Variants in PTPRD observed in about 807,000 individuals in gnomAD.
PTPRD encodes receptor-type tyrosine-protein phosphatase delta.
In PTPRD, 34 loss-of-function variants were observed where a neutral mutation model predicts 214.5. That is an observed-to-expected ratio of 0.16 (90% CI 0.12 to 0.21). The LOEUF (loss-of-function observed/expected upper bound fraction) is 0.21, where lower values mean the gene tolerates loss of function less well. PTPRD is among the 10% of genes least tolerant of loss of function. The pLI, the probability that PTPRD is intolerant of heterozygous loss-of-function variation, is 1.00. For synonymous variants in PTPRD, 1,128 were observed against 845.7 expected (o/e 1.33, Z -5.79); for missense variants, 2,545 against 2,398.7 (o/e 1.06, Z -1.27).
rs1567180512 is a variant in PTPRD, at chr9:8,948,414, TATATATATATTTATATATATATTTAC to T, written c.-104+70257_-104+70282del. Among the ~76,000 whole-genome samples the T allele has an allele frequency of 8.9e-3, 581 of 65,274 alleles. 60 individuals carry two copies. Among genetic ancestry groups the T allele is most frequent in the African/African-American group, 0.022 (402 of 17,932 alleles). 42.8% of individuals were successfully genotyped at this position (65,274 alleles called of 152,430 possible). On this transcript the variant is annotated intron_variant, in intron 11 of 45. Coordinates refer to ENST00000381196, the MANE Select transcript of PTPRD (RefSeq NM_002839.4). ...ATGTCCATTGGGTTTAAAATATATA[TATATATATATTTATATATATATTTAC>T]ATATATATATATTTATATATATATT...
At chr9:8,599,906 C>A (rs866412367) in intron 14 of PTPRD, among the ~76,000 whole-genome samples, 2 of 152,130 alleles carry the variant, frequency 1.3e-5, no homozygotes, top group South Asian at 4.1e-4. Context: ...GCATGAGCCA[C>A]GGCGCCTGGC....
chr9:8,586,175 C>T (rs1015037712), intron 14 of PTPRD, among the ~76,000 whole-genome samples: 1 of 152,100 alleles, frequency 6.6e-6, no homozygotes, highest in East Asian at 1.9e-4. Context: ...CGGCGTGTGC[C>T]TGTAATCCCA....
At chr9:9,091,997 TCA>T (rs1341885663) in intron 10 of PTPRD, among the ~76,000 whole-genome samples, 2 of 152,334 alleles carry the variant, frequency 1.3e-5, no homozygotes. Flanking sequence ...TTCTTTTCTC[TCA>T]GTTTATCTTT....
intron 3 of PTPRD, among the ~76,000 whole-genome samples, chr9:10,066,502 GA>G (rs1304530067): frequency 6.6e-6 from 1 of 151,820 alleles, no homozygotes; most frequent in Non-Finnish European, 1.5e-5. Context: ...CAACATGTAT[GA>G]CACTTAGTAG....
At chr9:9,301,522 C>G (rs866114178) in intron 9 of PTPRD, among the ~76,000 whole-genome samples, 1 of 151,824 alleles carries the variant, frequency 6.6e-6, no homozygotes, top group African/African-American at 2.4e-5. Flanking sequence ...CTGCATCAAG[C>G]TACTAATTCA....
rs981255002 is a variant in PTPRD at position 8,849,429 on chromosome 9, T to C, written c.-103-115483A>G. On this transcript the variant is annotated intron_variant, in intron 11 of 45. Transcript: ENST00000381196. ...TTTTAGTGGAGACGGGGTTTCACCA[T>C]GTTAGCCAGAATGGTCTCGATCTCC... 2.6e-5 allele frequency among the ~76,000 whole-genome samples: 4 copies of C among 152,228 alleles called. No homozygotes were observed. The South Asian group carries it at 6.2e-4, about 24-fold the overall frequency.
At chr9:10,418,017 A>C (rs143443548) in intron 2 of PTPRD, among the ~76,000 whole-genome samples, 8 of 151,890 alleles carry the variant, frequency 5.3e-5, no homozygotes, top group Non-Finnish European at 1.2e-4. Flanking sequence ...AAGCAGAAAA[A>C]AAGGAAGAAA....
intron 2 of PTPRD, among the ~76,000 whole-genome samples, chr9:10,500,913 C>A (rs1310703712): frequency 6.6e-6 from 1 of 151,770 alleles, no homozygotes; most frequent in African/African-American, 2.4e-5. Context: ...TGTATATATA[C>A]CACGTTTTCT....
chr9:9,770,077 A>G (rs1353518034), intron 5 of PTPRD, among the ~76,000 whole-genome samples: 1 of 152,216 alleles, frequency 6.6e-6, no homozygotes, highest in African/African-American at 2.4e-5. Context: ...ATTCATGTGC[A>G]TGTGACTTTA....
chr9:8,392,298 G>A (rs1256361265), intron 36 of PTPRD, among the ~76,000 whole-genome samples: 2 of 152,018 alleles, frequency 1.3e-5, no homozygotes, highest in African/African-American at 2.4e-5. Context: ...GGCTGAGGCA[G>A]GAAGATTTAT....
At chr9:9,814,819 A>G (rs2048254183) in intron 5 of PTPRD, among the ~76,000 whole-genome samples, 1 of 122,948 alleles carries the variant, frequency 8.1e-6, no homozygotes, top group Non-Finnish European at 1.7e-5. Flanking sequence ...TTTTTTTTCG[A>G]TACAGAATTT....
intron 2 of PTPRD, among the ~76,000 whole-genome samples, chr9:10,349,630 A>G (rs538911290): frequency 6.6e-6 from 1 of 152,284 alleles, no homozygotes; most frequent in Non-Finnish European, 1.5e-5. Flanking sequence ...TGAATACATG[A>G]AAAAAAGTAT....
At chr9:9,092,445 A>T (rs1239899034) in intron 10 of PTPRD, among the ~76,000 whole-genome samples, 1 of 152,102 alleles carries the variant, frequency 6.6e-6, no homozygotes, top group Non-Finnish European at 1.5e-5. Context: ...CAGATTGAGG[A>T]ACAGCTACTA....
intron 10 of PTPRD, among the ~76,000 whole-genome samples, chr9:9,178,821 T>C (rs1247049222): frequency 6.6e-6 from 1 of 152,104 alleles, no homozygotes; most frequent in Non-Finnish European, 1.5e-5. Flanking sequence ...GCAGAAATGC[T>C]CTGGGAACAT....
chr9:9,452,107 GC>G (rs1237122866), intron 8 of PTPRD, among the ~76,000 whole-genome samples: 1 of 151,296 alleles, frequency 6.6e-6, no homozygotes, highest in Non-Finnish European at 1.5e-5. Flanking sequence ...TCTATACCTA[GC>G]AGTTTATAAT....
chr9:10,212,795 T>A (rs2099523248), intron 3 of PTPRD, among the ~76,000 whole-genome samples: 5 of 152,160 alleles, frequency 3.3e-5, no homozygotes, highest in African/African-American at 1.2e-4. Flanking sequence ...CTACAAGGTT[T>A]CACCCACAGA....
intron 12 of PTPRD, among the ~76,000 whole-genome samples, chr9:8,728,177 G>A (rs775221054): frequency 1.3e-5 from 2 of 152,162 alleles, no homozygotes; most frequent in Non-Finnish European, 2.9e-5. Flanking sequence ...TTGAACCGAG[G>A]AGGCGGAGGT....
At chr9:8,369,775 T>C (rs2080976172) in intron 39 of PTPRD, among the ~76,000 whole-genome samples, 1 of 151,946 alleles carries the variant, frequency 6.6e-6, no homozygotes, top group Non-Finnish European at 1.5e-5. Flanking sequence ...GGGTCAAGGT[T>C]TTATAACTGA....
intron 4 of PTPRD, among the ~76,000 whole-genome samples, chr9:9,940,973 G>T (rs2091291889): frequency 6.6e-6 from 1 of 152,002 alleles, no homozygotes. Flanking sequence ...ACCTGGGGGT[G>T]GGCAAGCTTT....
Sources: allele counts gnomAD v4.1 joint callset (sites outside exome capture counted in the v4.1 genomes callset), GRCh38; gene constraint gnomAD v4.1.1; transcripts MANE v1.5; gene names NCBI Gene and HGNC (gene_info 2026-07-23, HGNC 2026-07-21).